The following AFAP1 variants were observed in gnomAD, a reference collection of about 807,000 sequenced individuals.
AFAP1 encodes actin filament-associated protein 1.
AFAP1 carries 75 observed loss-of-function variants against 93.9 expected under a neutral mutation model. That is an observed-to-expected ratio of 0.80 (90% CI 0.66 to 0.97). AFAP1 has a LOEUF of 0.97. AFAP1 is among the 50% of genes least tolerant of loss of function. The probability of loss-of-function intolerance (pLI) is 0.00; values close to 1 mark genes in which losing one functional copy is unlikely to be tolerated. For missense variants in AFAP1, 1,201 were observed against 1,050.8 expected (o/e 1.14, Z -1.98); for synonymous variants, 517 against 430.7 (o/e 1.20, Z -2.48).
At chr4:7,896,226 C>CA (rs1718754650) in intron 1 of AFAP1, among the ~76,000 whole-genome samples, 1 of 152,112 alleles carries the variant, frequency 6.6e-6, no homozygotes, top group African/African-American at 2.4e-5. Context: ...ATGCCTAAAA[C>CA]ACAGTATAAC....
Position 7,771,106 on chromosome 4 carries a change from G to A in AFAP1, c.2253+1714C>T, listed in dbSNP as rs927556748. 5.3e-5 allele frequency among the ~76,000 whole-genome samples: 8 copies of A among 152,362 alleles called. No individual in the cohort carries two copies. The East Asian group carries it at 1.5e-3, about 29-fold the overall frequency. On this transcript the variant is annotated intron_variant, in intron 16 of 17. Transcript: ENST00000420658. ...GTTCTCCACAGATCTGTCCGCATCT[G>A]ACACCAACGTGTTTTATTGGTTTGC... is the stretch of plus-strand genomic sequence containing the variant.
In AFAP1 at chr4:7,781,490, G is replaced by A; in HGVS notation, c.1668C>T (p.Ala556=). The change falls in exon 13 of 18, where the codon GCC becomes GCT. Residue 556 remains alanine (A), a synonymous_variant. Coordinates refer to ENST00000420658, the MANE Select transcript of AFAP1 (RefSeq NM_001134647.2). ...ACAGCTTGTCAGCAGACAGCCTAGAGGCCTTTCTGTCAGCAGGAGAGTAGC... is the reference window on the plus strand; with the variant it reads ...ACAGCTTGTCAGCAGACAGCCTAGAAGCCTTTCTGTCAGCAGGAGAGTAGC... ...FARYSPADRK[A]SRLSADKLSS... 3 of 1,552,260 alleles carry A rather than the reference G, an allele frequency of 1.9e-6. No individual in the cohort carries two copies. Among genetic ancestry groups the A allele is most frequent in the Non-Finnish European group, 2.6e-6 (3 of 1,147,126 alleles).
chr4:7,768,987 T>G lies in AFAP1; in HGVS notation c.2275A>C (p.Thr759Pro). ...CTGGAGATGGGCGAGTTTTCCAGGG[T>G]CCGGTGCCGGAACACTGGAGACTTA... is the stretch of plus-strand genomic sequence containing the variant. ...SPQSPVFRHR[T>P]LENSPISSCD... Residue 759 changes from threonine (T) to proline (P), a missense_variant, in exon 17 of 18, where the codon ACC becomes CCC. Transcript: ENST00000420658. The G allele has an allele frequency of 6.2e-7, 1 of 1,612,644 alleles. No homozygotes were observed. The highest frequency in any genetic ancestry group is 8.5e-7 in the Non-Finnish European group (1 of 1,179,060).
chr4:7,919,151 C>T (rs939477656), intron 1 of AFAP1, among the ~76,000 whole-genome samples: 1 of 152,320 alleles, frequency 6.6e-6, no homozygotes, highest in East Asian at 1.9e-4. Flanking sequence ...ACACTCAGCC[C>T]GGCCCCCGGA....
intron 5 of AFAP1, among the ~76,000 whole-genome samples, chr4:7,839,191 C>A (rs1391337648): frequency 1.3e-5 from 2 of 151,966 alleles, no homozygotes; most frequent in Non-Finnish European, 2.9e-5. Flanking sequence ...AAAAAATTAG[C>A]CAGGCATGGT....
intron 4 of AFAP1, among the ~76,000 whole-genome samples, chr4:7,845,600 A>C (rs180728926): frequency 2.0e-5 from 3 of 152,114 alleles, no homozygotes; most frequent in Admixed American, 2.0e-4. Flanking sequence ...AGGCGAACAG[A>C]ACACCCTGGT....
At chr4:7,803,808 A>G (rs1263505908) in intron 9 of AFAP1, among the ~76,000 whole-genome samples, 1 of 152,210 alleles carries the variant, frequency 6.6e-6, no homozygotes, top group Non-Finnish European at 1.5e-5. Context: ...ACAGATCCAC[A>G]TTTTATTTAG....
intron 6 of AFAP1, among the ~76,000 whole-genome samples, chr4:7,820,332 C>A (rs567289685): frequency 1.3e-4 from 20 of 152,284 alleles, no homozygotes; most frequent in African/African-American, 4.6e-4. Context: ...CAACAGCAAA[C>A]TTCTAGTCAG....
intron 10 of AFAP1, among the ~76,000 whole-genome samples, chr4:7,798,709 G>C (rs150252232): frequency 6.6e-6 from 1 of 152,142 alleles, no homozygotes. Context: ...TGGTCCAAGC[G>C]TTTGTGAAGG....
chr4:7,771,614 A>T (rs922938801), intron 16 of AFAP1, among the ~76,000 whole-genome samples: 4 of 152,184 alleles, frequency 2.6e-5, no homozygotes, highest in Non-Finnish European at 4.4e-5. Context: ...CACACAGTCT[A>T]TGCAGCGACC....
Position 7,760,065 on chromosome 4 carries a change from A to G in AFAP1, c.*3700T>C, listed in dbSNP as rs2148923885. 1.3e-5 allele frequency: 2 copies of G among 152,376 alleles called. 1 individual carries two copies. Among genetic ancestry groups the G allele is most frequent in the Admixed American group, 1.3e-4 (2 of 15,314 alleles). 9.4% of individuals were successfully genotyped at this position (152,376 alleles called of 1,614,324 possible). A position where few individuals can be genotyped will look rare whatever the true frequency, so the allele number is the denominator to read the frequency against. On this transcript the variant is annotated 3_prime_UTR_variant, in exon 18 of 18. Transcript: ENST00000420658. ...GGCCACAAACAGGGGAGCTTTGCTC[A>G]CAACCCTACACCTAACCCCAGCTTC...
chr4:7,862,905 G>A (rs1005195719), intron 3 of AFAP1, among the ~76,000 whole-genome samples: 1 of 152,150 alleles, frequency 6.6e-6, no homozygotes, highest in South Asian at 2.1e-4. Context: ...GAAGAAGGGT[G>A]GGGGAGCAGC....
intron 9 of AFAP1, chr4:7,809,341 G>C (rs1719809968): frequency 4.2e-6 from 1 of 238,718 alleles, no homozygotes; most frequent in Non-Finnish European, 7.9e-6. Flanking sequence ...ACACTTCCAA[G>C]GGATTTGGGG....
chr4:7,895,185 G>A (rs575167406), intron 1 of AFAP1, among the ~76,000 whole-genome samples: 228 of 152,336 alleles, frequency 1.5e-3, no homozygotes, highest in Non-Finnish European at 2.6e-3. Context: ...GAGGGTTGAG[G>A]CTGGAACTCT....
intron 3 of AFAP1, among the ~76,000 whole-genome samples, chr4:7,864,212 G>A (rs547999453): frequency 1.3e-5 from 2 of 151,254 alleles, no homozygotes; most frequent in Admixed American, 1.3e-4. Flanking sequence ...CTGGCCTCAT[G>A]TGTGGATTTC....
chr4:7,805,496 T>C (rs1214048561), intron 9 of AFAP1, among the ~76,000 whole-genome samples: 1 of 152,206 alleles, frequency 6.6e-6, no homozygotes, highest in Non-Finnish European at 1.5e-5. Flanking sequence ...ACATGTCGGA[T>C]GAATACATGG....
In AFAP1 at chr4:7,899,918, T is replaced by A. The variant is rs145011229; in HGVS notation, c.-2-27838A>T. Among the ~76,000 whole-genome samples the A allele has an allele frequency of 1.9e-3, 267 of 139,884 alleles. 1 individual carries two copies. Among genetic ancestry groups the A allele is most frequent in the African/African-American group, 6.2e-3 (250 of 40,044 alleles). 91.8% of individuals were successfully genotyped at this position (139,884 alleles called of 152,430 possible). A position where few individuals can be genotyped will look rare whatever the true frequency, so the allele number is the denominator to read the frequency against. ...GGGTCAAGAATCCATCAGGTCTGAATGAGAAGTGTATCAGTGACTAACACC... is the reference window on the plus strand; with the variant it reads ...GGGTCAAGAATCCATCAGGTCTGAAAGAGAAGTGTATCAGTGACTAACACC... On this transcript the variant is annotated intron_variant, in intron 1 of 17. Coordinates refer to ENST00000420658, the MANE Select transcript of AFAP1 (RefSeq NM_001134647.2).
rs773993223 is a variant in AFAP1, at chr4:7,800,544, C to T, written c.1164G>A (p.Val388=). The change falls in exon 10 of 18, where the codon GTG becomes GTA. Residue 388 remains valine, a synonymous_variant. Transcript: ENST00000420658. ...KDRTDLKTHI[V]SIPLRGCEVI... is the part of the protein sequence containing the mutation. ...CCTCGCAGCCACGGAGCGGAATAGA[C>T]ACAATATGGGTCTTCAGGTCGGTCC... The T allele has an allele frequency of 1.1e-5, 17 of 1,614,228 alleles. No individual in the cohort carries two copies. The highest frequency in any genetic ancestry group is 1.4e-5 in the Non-Finnish European group (16 of 1,180,034).
rs562045530 is a variant in AFAP1 at position 7,780,802 on chromosome 4, G to T, written c.1782+574C>A. 3.5e-4 allele frequency among the ~76,000 whole-genome samples: 54 copies of T among 152,144 alleles called. 1 individual carries two copies. In the South Asian group the frequency reaches 0.011, roughly 32 times the overall value. On this transcript the variant is annotated intron_variant, in intron 13 of 17. Coordinates refer to ENST00000420658, the MANE Select transcript of AFAP1 (RefSeq NM_001134647.2). ...CTTATTATCGTTATCTAGTTTTTGG[G>T]AGTATACCTTTAGACTTGTCATGGA...
Sources: gnomAD v4.1 joint callset for allele counts (sites outside exome capture counted in the v4.1 genomes callset) on GRCh38, gnomAD v4.1.1 for gene constraint, MANE v1.5 for transcripts, NCBI Gene and HGNC (gene_info 2026-07-23, HGNC 2026-07-21) for gene names.